The following SHC1 variants were observed in gnomAD, a reference collection of about 807,000 sequenced individuals.
SHC1 encodes the protein SHC-transforming protein 1.
SHC1 carries 30 observed loss-of-function variants against 55.9 expected under a neutral mutation model. That is an observed-to-expected ratio of 0.54 (90% CI 0.40 to 0.73). The LOEUF (loss-of-function observed/expected upper bound fraction) is 0.73, where lower values mean the gene tolerates loss of function less well. Among genes scored for constraint, SHC1 ranks in the 30% least tolerant of loss-of-function variants. SHC1 has a pLI of 0.00. For missense variants in SHC1, 675 were observed against 777.1 expected, an observed-to-expected ratio of 0.87 and a Z score of 1.56; for synonymous variants, 309 against 306.1, an observed-to-expected ratio of 1.01 and a Z score of -0.10.
rs578216812 is a variant in SHC1, at chr1:154,970,006, G to T, written c.495+26C>A. 1 of 1,612,592 alleles carries T rather than the reference G, an allele frequency of 6.2e-7. No homozygotes were observed. The highest frequency in any genetic ancestry group is 1.3e-5 in the African/African-American group (1 of 74,998). ...TTAGAACTGGAGGGGGTCTGCGGGG[G>T]AATGGAGAGGAGGATGTTCACTCAC... On this transcript the variant is annotated intron_variant, in intron 1 of 11. Coordinates refer to ENST00000448116, the MANE Select transcript of SHC1 (RefSeq NM_001130040.2). This position sits in a 1 kb window ranked among gnomAD's most constrained non-coding sequence, Gnocchi z 5.5.
Position 154,970,601 on chromosome 1 carries a change from A to C in SHC1, c.-75T>G. On this transcript the variant is annotated 5_prime_UTR_variant, in exon 1 of 12. Transcript: ENST00000448116. The surrounding 1 kb of genome is among the most constrained non-coding windows in gnomAD (Gnocchi z 5.5). ...TGGGCAAGGGGGCCAGGCAGGGGGT[A>C]TCCCCAGGCCCTTAGCCTGGTTGGA... The C allele has an allele frequency of 4.0e-6, 4 of 1,002,152 alleles. No homozygotes were observed. The highest frequency in any genetic ancestry group is 6.0e-6 in the Non-Finnish European group (4 of 666,966). 62.1% of individuals were successfully genotyped at this position (1,002,152 alleles called of 1,614,324 possible).
chr1:154,966,165 G>A lies in SHC1; in HGVS notation c.1249C>T (p.Pro417Ser). Residue 417 changes from proline to serine, a missense_variant, in exon 9 of 12, where the codon CCA becomes TCA. By Grantham distance (74) the Pro-to-Ser change is moderately conservative (BLOSUM62 -1). Around this residue, in one of 3 missense-constraint regions of SHC1, gnomAD observed 360 missense variants for 371.1 expected, o/e 0.97. Transcript: ENST00000448116. The stretch of plus-strand genomic sequence containing the variant: ...CCTATCTCGGCTCCCTTCATACCTG[G>A]ACAGGGTGGTGGAGGTGGCATCTGT... Reference protein sequence around the residue: ...RKQMPPPPPCPAGRELFDDPS... With the variant: ...RKQMPPPPPCSAGRELFDDPS... 1 of 1,614,122 alleles carries A rather than the reference G, an allele frequency of 6.2e-7. No individual in the cohort carries two copies. Among genetic ancestry groups the A allele is most frequent in the Non-Finnish European group, 8.5e-7 (1 of 1,180,008 alleles).
chr1:154,969,617 T>C (rs1656476883), intron 1 of SHC1, among the ~76,000 whole-genome samples, 169 bp from the exon 2 acceptor site: 1 of 151,926 alleles, frequency 6.6e-6, no homozygotes, highest in African/African-American at 2.4e-5. Context: ...CAACAGGGAA[T>C]GAGGAGAAAA....
chr1:154,968,258 C>G lies in SHC1; in HGVS notation c.751-1G>C. The G allele has an allele frequency of 6.2e-7, 1 of 1,614,136 alleles. No individual in the cohort carries two copies. On this transcript the variant is annotated splice_acceptor_variant, in intron 4 of 11. Transcript: ENST00000448116. LOFTEE classifies it high-confidence loss of function. ...ATTGCATGTGGTGGTTGGCGATGATCTGAGAATTAGGGCAGGGGATGAAGA... is the reference window on the plus strand; with the variant it reads ...ATTGCATGTGGTGGTTGGCGATGATGTGAGAATTAGGGCAGGGGATGAAGA...
At chr1:154,970,799 C>G (rs1656667039), upstream of SHC1, 9 of 352,994 alleles carry the variant, frequency 2.5e-5, no homozygotes, top group South Asian at 4.4e-4. This position sits in a 1 kb window ranked among gnomAD's most constrained non-coding sequence, Gnocchi z 5.5. Context: ...TCCCCAGGGG[C>G]GGGGAGCTAA....
In SHC1 at chr1:154,968,237, C is replaced by T. The variant is rs780741267; in HGVS notation, c.771G>A (p.Met257Ile). 1.9e-6 allele frequency: 3 copies of T among 1,614,162 alleles called. 1 individual carries two copies. In the South Asian group the frequency reaches 3.3e-5, roughly 18 times the overall value. Residue 257 changes from methionine (M) to isoleucine (I), a missense_variant, in exon 5 of 12, where the codon ATG becomes ATA. Physicochemically the swap from Met to Ile is conservative, Grantham distance 10. Transcript: ENST00000448116. ...DCKQIIANHH[M>I]QSISFASGGD... The stretch of plus-strand genomic sequence containing the variant: ...CGCCGGATGCAAATGAGATAGATTG[C>T]ATGTGGTGGTTGGCGATGATCTGAG...
In SHC1 at chr1:154,965,793, G is replaced by C. The variant is rs137910808; in HGVS notation, c.1388-12C>G. ...ATCTTCGAAGGGCTCTGGAAGTATA[G>C]AGGGAGGGTGAGGGGAAGTAGCAGG... On this transcript the variant is annotated splice_polypyrimidine_tract_variant and intron_variant, in intron 10 of 11. Coordinates refer to ENST00000448116, the MANE Select transcript of SHC1 (RefSeq NM_001130040.2). 8.1e-5 allele frequency: 130 copies of C among 1,602,946 alleles called. No homozygotes were observed. In the African/African-American group the frequency reaches 1.5e-3, roughly 19 times the overall value.
chr1:154,966,490 C>T lies in SHC1; in HGVS notation c.1011G>A (p.Trp337Ter), dbSNP rs1193734209. 6.2e-7 allele frequency: 1 copy of T among 1,602,032 alleles called. No individual in the cohort carries two copies. Among genetic ancestry groups the T allele is most frequent in the Non-Finnish European group, 8.5e-7 (1 of 1,173,132 alleles). ...DRMAGFDGSAWDEEEEEPPDH... is the reference protein window; with the variant it reads ...DRMAGFDGSA ...CAGGTGGCTCTTCCTCCTCCTCATC[C>T]CATGCTGAGCCATCAAAGCCAGCCA... is the stretch of plus-strand genomic sequence containing the variant. Residue 337 changes from tryptophan (W) to a stop codon, truncating the protein, a stop_gained, in exon 8 of 12, where the codon TGG becomes TGA. Coordinates refer to ENST00000448116, the MANE Select transcript of SHC1 (RefSeq NM_001130040.2). LOFTEE classifies it high-confidence loss of function.
rs541910183 is a variant in SHC1 at position 154,966,524 on chromosome 1, G to A, written c.984-7C>T. The A allele has an allele frequency of 1.3e-6, 2 of 1,568,502 alleles. No individual in the cohort carries two copies. Among genetic ancestry groups the A allele is most frequent in the African/African-American group, 2.7e-5 (2 of 73,936 alleles). ...GCCATCAAAGCCAGCCATCCTGAGG[G>A]ACAGGACAGTGAAGCTGTGGCTGTA... On this transcript the variant is annotated splice_region_variant and splice_polypyrimidine_tract_variant and intron_variant, in intron 7 of 11. Transcript: ENST00000448116.
Position 154,970,511 on chromosome 1 carries a change from G to T in SHC1, c.16C>A (p.Pro6Thr). 2 of 1,608,418 alleles carry T rather than the reference G, an allele frequency of 1.2e-6. No homozygotes were observed. Among genetic ancestry groups the T allele is most frequent in the Non-Finnish European group, 1.7e-6 (2 of 1,177,988 alleles). Residue 6 changes from proline to threonine, a missense_variant, in exon 1 of 12, where the codon CCC becomes ACC. Transcript: ENST00000448116. This position sits in a 1 kb window ranked among gnomAD's most constrained non-coding sequence, Gnocchi z 5.5. The part of the protein sequence containing the change: MDLLP[P>T]KPKYNPLRNE... ...CGGAGTGGATTGTACTTGGGCTTGG[G>T]GGGCAGGAGATCCATAGTTGAGGTG...
intron 6 of SHC1, 30 bp from the exon 7 acceptor site, chr1:154,967,827 C>T: frequency 1.2e-6 from 2 of 1,611,894 alleles, no homozygotes; most frequent in Non-Finnish European, 1.7e-6. Flanking sequence ...TGTCAGTGAG[C>T]TGAGCCCACT....
upstream of SHC1, among the ~76,000 whole-genome samples, chr1:154,974,004 T>C (rs1657009352): frequency 6.6e-6 from 1 of 151,680 alleles, no homozygotes; most frequent in African/African-American, 2.4e-5. Flanking sequence ...TTTCTCGTAG[T>C]AGGGCTTGGA....
chr1:154,969,750 A>C (rs958417196), intron 1 of SHC1, among the ~76,000 whole-genome samples: 1 of 150,242 alleles, frequency 6.7e-6, no homozygotes, highest in Non-Finnish European at 1.5e-5. Flanking sequence ...AAGATCAAGA[A>C]GTCATTCATT....
At chr1:154,967,288 G>A (rs1281387557) in intron 7 of SHC1, among the ~76,000 whole-genome samples, 1 of 152,150 alleles carries the variant, frequency 6.6e-6, no homozygotes, top group Non-Finnish European at 1.5e-5. Context: ...GGGAAAGGTT[G>A]TAATCTCAGG....
rs145505934 is a variant in SHC1, at chr1:154,964,080, T to C, written c.1627-149A>G. ...AGTGTGGCCTGTCAATCCTGATCAT[T>C]GAGGCTTCTCTAGAAAGAGACAGTT... On this transcript the variant is annotated intron_variant, in intron 11 of 11. Transcript: ENST00000448116. 1.9e-4 allele frequency: 162 copies of C among 834,924 alleles called. 1 individual carries two copies. The East Asian group carries it at 3.9e-3, about 20-fold the overall frequency. The allele number at this position is 834,924 out of a possible 1,614,324, so 51.7% of individuals were successfully genotyped here.
chr1:154,969,281 C>A (rs1656426893), intron 2 of SHC1, 97 bp downstream of exon 2: 1 of 797,302 alleles, frequency 1.3e-6, no homozygotes, highest in Non-Finnish European at 2.2e-6. Flanking sequence ...CAAAGATCAG[C>A]CCCCAGCAGC....
At position 154,968,051 on chromosome 1, in the gene SHC1, A is replaced by G. The variant is rs778250666; in HGVS notation, c.805-20T>C. 1.2e-6 allele frequency: 2 copies of G among 1,613,872 alleles called. No individual in the cohort carries two copies. The highest frequency in any genetic ancestry group is 1.1e-5 in the South Asian group (1 of 91,078). On this transcript the variant is annotated intron_variant, in intron 5 of 11. Transcript: ENST00000448116. ...TGTGTCCTGGGGAGGAAGGTCAAAAAATTTTACAGTTCTACTTTACTCCTG... is the reference window on the plus strand; with the variant it reads ...TGTGTCCTGGGGAGGAAGGTCAAAAGATTTTACAGTTCTACTTTACTCCTG...
At position 154,963,837 on chromosome 1, in the gene SHC1, A is replaced by G. The variant is rs759631429; in HGVS notation, c.1721T>C (p.Leu574Pro). Residue 574 changes from leucine (L) to proline (P), a missense_variant, in exon 12 of 12, where the codon CTG becomes CCG. By Grantham distance (98) the Leu-to-Pro change is moderately conservative. Coordinates refer to ENST00000448116, the MANE Select transcript of SHC1 (RefSeq NM_001130040.2). Reference sequence around the variant, plus strand: ...CCGCTCCACAGGTTGCTGTAGACACAGTTCGCTGCCCGCAGAGATGATGGG... The same window carrying G: ...CCGCTCCACAGGTTGCTGTAGACACGGTTCGCTGCCCGCAGAGATGATGGG... Reference protein sequence around the residue: ...HLPIISAGSELCLQQPVERKL With the variant: ...HLPIISAGSEPCLQQPVERKL 6.2e-7 allele frequency: 1 copy of G among 1,614,160 alleles called. No homozygotes were observed. The highest frequency in any genetic ancestry group is 2.2e-5 in the East Asian group (1 of 44,886).
intron 4 of SHC1, 107 bp from the exon 5 acceptor site, chr1:154,968,364 C>T (rs1048960383): frequency 1.3e-6 from 2 of 1,545,652 alleles, no homozygotes; most frequent in Admixed American, 1.7e-5. Context: ...TTCCTTATCC[C>T]ATATCCTCAT....
Sources: gnomAD v4.1 joint callset for allele counts (sites outside exome capture counted in the v4.1 genomes callset) on GRCh38, gnomAD v4.1.1 for gene constraint, gnomAD v4.1.1 regional missense constraint, Gnocchi (gnomAD v3.1) non-coding constraint, MANE v1.5 for transcripts, NCBI Gene and HGNC (gene_info 2026-07-23, HGNC 2026-07-21) for gene names.